LONP1: variants seen among roughly 807,000 people sequenced by gnomAD.
LONP1 encodes lon peptidase 1, mitochondrial, also known as lon protease homolog, mitochondrial.
A neutral mutation model predicts 98.5 loss-of-function variants in LONP1; 31 were observed. That is an observed-to-expected ratio of 0.31 (90% confidence interval 0.24 to 0.42). The LOEUF is 0.42. LONP1 is among the 20% of genes least tolerant of loss of function. LONP1 has a pLI of 1.00. For missense variants in LONP1, 1,336 were observed against 1,350.6 expected (o/e 0.99, Z 0.17); for synonymous variants, 781 against 594.7 (o/e 1.31, Z -4.56).
intron 13 of LONP1, among the ~76,000 whole-genome samples, 192 bp from the exon 14 acceptor site, chr19:5,695,093 GCTGCGTCCTCTGC>G (rs1280058804): frequency 6.6e-6 from 1 of 151,994 alleles, no homozygotes; most frequent in Non-Finnish European, 1.5e-5. Context: ...CTTTGCTTGT[GCTGCGTCCTCTGC>G]TTGGATCCAC....
chr19:5,708,661 A>T, intron 4 of LONP1: 1 of 436,944 alleles, frequency 2.3e-6, no homozygotes, highest in South Asian at 3.9e-5. Context: ...CCTTGTCCTT[A>T]GGATAAGCTA....
At chr19:5,714,128 T>G in intron 2 of LONP1, 55 bp downstream of exon 2, 2 of 1,372,714 alleles carry the variant, frequency 1.5e-6, no homozygotes, top group Non-Finnish European at 2.1e-6. Context: ...GGACTTGTGG[T>G]GAGCTGGACT....
In LONP1 at chr19:5,706,090, C is replaced by G. The variant is rs545423069; in HGVS notation, c.1147-98G>C. The stretch of plus-strand genomic sequence containing the variant: ...GGGGACCCTCTGCTCCCCCAGGACT[C>G]AGAGAGAAAAGAAACGAAACCCAGA... On this transcript the variant is annotated intron_variant, in intron 7 of 17. Coordinates refer to ENST00000360614, the MANE Select transcript of LONP1 (RefSeq NM_004793.4). The G allele has an allele frequency of 9.0e-5, 70 of 781,000 alleles. 1 individual carries two copies. Among genetic ancestry groups the G allele is most frequent in the South Asian group, 8.5e-4 (54 of 63,540 alleles). 48.4% of individuals were successfully genotyped at this position (781,000 alleles called of 1,614,324 possible). A position where few individuals can be genotyped will look rare whatever the true frequency, so the allele number is the denominator to read the frequency against.
At chr19:5,703,282 C>G (rs1424580853) in intron 8 of LONP1, among the ~76,000 whole-genome samples, 5 of 152,084 alleles carry the variant, frequency 3.3e-5, no homozygotes, top group African/African-American at 1.2e-4. Context: ...ATCAGGAGAG[C>G]CAAGACGGCA....
chr19:5,708,297 T>G, intron 5 of LONP1, 45 bp downstream of exon 5: 1 of 1,587,144 alleles, frequency 6.3e-7, no homozygotes, highest in Admixed American at 1.7e-5. Context: ...CAGAAAGAGC[T>G]GCAGAGATGC....
chr19:5,717,722 A>C (rs1454523854), intron 1 of LONP1: 1 of 152,244 alleles, frequency 6.6e-6, no homozygotes. Context: ...AAACAGCATC[A>C]CGTTATTGCT....
Position 5,691,899 on chromosome 19 carries a change from CCTGGGAT to C in LONP1, c.*126_*132del. 9.6e-7 allele frequency: 1 copy of C among 1,039,094 alleles called. No homozygotes were observed. Among genetic ancestry groups the C allele is most frequent in the Non-Finnish European group, 1.4e-6 (1 of 721,570 alleles). 64.4% of individuals were successfully genotyped at this position (1,039,094 alleles called of 1,614,324 possible). A position where few individuals can be genotyped will look rare whatever the true frequency, so the allele number is the denominator to read the frequency against. On this transcript the variant is annotated 3_prime_UTR_variant, in exon 18 of 18. Transcript: ENST00000360614. ...CACTCTGATTAAGCCGACTGAGGTC[CCTGGGAT>C]CTGGGTCACTGGACCGAGCTGCTCG... is the stretch of plus-strand genomic sequence containing the variant.
intron 15 of LONP1, 124 bp from the exon 16 acceptor site, chr19:5,693,893 G>T: frequency 1.2e-6 from 1 of 807,606 alleles, no homozygotes; most frequent in Non-Finnish European, 2.0e-6. Flanking sequence ...CCTGGGCAGG[G>T]GTTGGTGTCC....
chr19:5,701,664 G>A lies in LONP1; in HGVS notation c.1368-737C>T, dbSNP rs565375604. ...GGTGCCCAGGCTGGAGTGCAGTGGC[G>A]TGATCTCGGCTCGCTACAACCTCCA... On this transcript the variant is annotated intron_variant, in intron 8 of 17. Coordinates refer to ENST00000360614, the MANE Select transcript of LONP1 (RefSeq NM_004793.4). Among the ~76,000 whole-genome samples, 459 of 152,266 alleles carry A rather than the reference G, an allele frequency of 3.0e-3. 3 individuals carry two copies. Among genetic ancestry groups the A allele is most frequent in the Non-Finnish European group, 4.7e-3 (322 of 67,996 alleles).
intron 1 of LONP1, among the ~76,000 whole-genome samples, chr19:5,719,151 G>A (rs1270198210): frequency 6.6e-6 from 1 of 152,082 alleles, no homozygotes; most frequent in African/African-American, 2.4e-5. Context: ...CACCTCAGCC[G>A]CCAGAGTAGC....
At chr19:5,697,242 C>A (rs1413676911) in intron 10 of LONP1, among the ~76,000 whole-genome samples, 1 of 152,044 alleles carries the variant, frequency 6.6e-6, no homozygotes, top group African/African-American at 2.4e-5. Flanking sequence ...GAGGAAGGCT[C>A]TGTCTGTGGG....
chr19:5,708,507 C>T, intron 4 of LONP1, 104 bp from the exon 5 acceptor site: 1 of 468,552 alleles, frequency 2.1e-6, no homozygotes, highest in Non-Finnish European at 3.7e-6. Flanking sequence ...GCTCCATCAA[C>T]TCCCTCCCCT....
In LONP1 at chr19:5,696,303, C is replaced by T. The variant is rs776482162; in HGVS notation, c.1842G>A (p.Glu614=). ...SSALLELLDP[E]QNANFLDHYL... ...AGTGGTCCAGGAAGTTGGCATTCTG[C>T]TCTGGGTCCAGCAGCTCCAGCAGTG... The change falls in exon 12 of 18, where the codon GAG becomes GAA. Residue 614 remains glutamate (E), a synonymous_variant. Coordinates refer to ENST00000360614, the MANE Select transcript of LONP1 (RefSeq NM_004793.4). 4.9e-5 allele frequency: 79 copies of T among 1,613,310 alleles called. No homozygotes were observed. The highest frequency in any genetic ancestry group is 6.1e-5 in the Non-Finnish European group (72 of 1,179,916).
chr19:5,692,027 G>A lies in LONP1; in HGVS notation c.*5C>T. On this transcript the variant is annotated 3_prime_UTR_variant, in exon 18 of 18. Coordinates refer to ENST00000360614, the MANE Select transcript of LONP1 (RefSeq NM_004793.4). Reference sequence around the variant, plus strand: ...CATCCGCCGCCTGCAGTCCCGGGGTGGCCGTCACCGTTCCACGGCCAGCGC... The same window carrying A: ...CATCCGCCGCCTGCAGTCCCGGGGTAGCCGTCACCGTTCCACGGCCAGCGC... The A allele has an allele frequency of 1.6e-6, 2 of 1,218,162 alleles. No homozygotes were observed. Among genetic ancestry groups the A allele is most frequent in the Non-Finnish European group, 2.3e-6 (2 of 870,214 alleles). The allele number at this position is 1,218,162 out of a possible 1,614,324, so 75.5% of individuals were successfully genotyped here. A position where few individuals can be genotyped will look rare whatever the true frequency, so the allele number is the denominator to read the frequency against.
In LONP1 at chr19:5,692,159, T is replaced by A. The variant is rs771250941; in HGVS notation, c.2753A>T (p.Lys918Met). The change falls in exon 18 of 18, where the codon AAG becomes ATG. Residue 918 changes from lysine (K) to methionine (M), a missense_variant. Lys to Met is a moderately conservative substitution (Grantham distance 95). Transcript: ENST00000360614. ...GAAGGCTGCCAGGTCGTAGAAGTCC[T>A]TCTTGTTCTCGGCTGGCAGGACGAT... is the stretch of plus-strand genomic sequence containing the variant. Reference protein sequence around the residue: ...TCIVLPAENKKDFYDLAAFIT... With the variant: ...TCIVLPAENKMDFYDLAAFIT... 6.2e-7 allele frequency: 1 copy of A among 1,614,056 alleles called. No individual in the cohort carries two copies. Among genetic ancestry groups the A allele is most frequent in the South Asian group, 1.1e-5 (1 of 91,078 alleles).
chr19:5,697,697 G>C (rs1219584011), intron 10 of LONP1, among the ~76,000 whole-genome samples: 1 of 152,022 alleles, frequency 6.6e-6, no homozygotes, highest in East Asian at 1.9e-4. Context: ...TGGGGGCAAA[G>C]GAGGGTTTTG....
chr19:5,707,031 G>A (rs1442257045), intron 7 of LONP1, 29 bp downstream of exon 7: 1 of 1,588,638 alleles, frequency 6.3e-7, no homozygotes, highest in South Asian at 1.1e-5. Flanking sequence ...AGGCCCCCAA[G>A]AGTGGCTGCG....
rs1014632062 is a variant in LONP1 at position 5,696,078 on chromosome 19, G to A, written c.1989C>T (p.Ala663=). The A allele has an allele frequency of 6.2e-7, 1 of 1,612,850 alleles. No homozygotes were observed. Among genetic ancestry groups the A allele is most frequent in the Non-Finnish European group, 8.5e-7 (1 of 1,179,872 alleles). ...MEMINVSGYV[A]QEKLAIAERY... is the part of the protein sequence containing the mutation. ...CCTCCGCAATGGCCAGCTTCTCCTG[G>A]GCCACGTAGCCCGACACGTTGATCA... Residue 663 remains alanine (A), a synonymous_variant, in exon 13 of 18, where the codon GCC becomes GCT. Transcript: ENST00000360614.
At chr19:5,699,313 AAGGGACC>A in intron 9 of LONP1, 108 bp from the exon 10 acceptor site, 10 of 904,446 alleles carry the variant, frequency 1.1e-5, no homozygotes, top group Non-Finnish European at 1.6e-5. Flanking sequence ...GGGCTGCGAG[AAGGGACC>A]AGGATTGTCC....
Sources: gnomAD v4.1 joint callset for allele counts (sites outside exome capture counted in the v4.1 genomes callset) on GRCh38, gnomAD v4.1.1 for gene constraint, MANE v1.5 for transcripts, NCBI Gene and HGNC (gene_info 2026-07-23, HGNC 2026-07-21) for gene names.